CFAP46: variants seen among roughly 807,000 people sequenced by gnomAD.
CFAP46 encodes the protein cilia and flagella associated protein 46.
Under a neutral mutation model 325.7 loss-of-function variants are expected in CFAP46, and 245 were observed. The observed-to-expected ratio is 0.75, with a 90% CI of 0.68 to 0.84. The LOEUF (loss-of-function observed/expected upper bound fraction) is 0.84. CFAP46 is among the 40% of genes least tolerant of loss of function. The pLI, the probability that CFAP46 is intolerant of heterozygous loss-of-function variation, is 0.00. For missense variants in CFAP46, 3,346 were observed against 3,543.0 expected, an observed-to-expected ratio of 0.94 and a Z score of 1.41; for synonymous variants, 1,523 against 1,495.9, an observed-to-expected ratio of 1.02 and a Z score of -0.42.
intron 1 of CFAP46, 123 bp from the exon 2 acceptor site, chr10:132,942,227 C>T: frequency 2.2e-6 from 3 of 1,341,334 alleles, no homozygotes; most frequent in Non-Finnish European, 3.0e-6. Context: ...ACCGTCAGAA[C>T]CTGTCGCCGC....
rs548838373 is a variant in CFAP46, at chr10:132,915,821, C to T, written c.2120+728G>A. On this transcript the variant is annotated intron_variant, in intron 17 of 57. Transcript: ENST00000368586. Reference sequence around the variant, plus strand: ...ATTCCCAACATGGAGAAACAACGCACGTCCAGCGTGACGGATTCGCTGATT... The same window carrying T: ...ATTCCCAACATGGAGAAACAACGCATGTCCAGCGTGACGGATTCGCTGATT... Among the ~76,000 whole-genome samples the T allele has an allele frequency of 4.5e-3, 687 of 152,310 alleles. 3 individuals carry two copies. Among genetic ancestry groups the T allele is most frequent in the African/African-American group, 0.016 (656 of 41,564 alleles).
In CFAP46 at chr10:132,937,254, C is replaced by T. The variant is rs549983786; in HGVS notation, c.661-199G>A. 2.6e-5 allele frequency: 14 copies of T among 530,690 alleles called. No individual in the cohort carries two copies. The African/African-American group carries it at 2.7e-4, about 10-fold the overall frequency. The allele number at this position is 530,690 out of a possible 1,614,324, so 32.9% of individuals were successfully genotyped here. On this transcript the variant is annotated intron_variant, in intron 6 of 57. Coordinates refer to ENST00000368586, the MANE Select transcript of CFAP46 (RefSeq NM_001200049.3). ...ATATTCTTGTAGTAATTACTTGTAT[C>T]TTTGTGAATTTTCTATTAACTTTAA... is the stretch of plus-strand genomic sequence containing the variant.
intron 45 of CFAP46, among the ~76,000 whole-genome samples, chr10:132,836,430 G>A (rs771008233): frequency 3.9e-5 from 6 of 152,178 alleles, no homozygotes; most frequent in Admixed American, 3.3e-4. Context: ...GTCATGCACC[G>A]GGCACTTGGC....
Position 132,849,517 on chromosome 10 carries a change from T to G in CFAP46, c.5952+727A>C, listed in dbSNP as rs538614008. ...GGCAGGTGCCTTCCGGGGGAGGAGC[T>G]GGCATCTGCACAAGTGTTTAGGAAG... On this transcript the variant is annotated intron_variant, in intron 41 of 57. Transcript: ENST00000368586. Among the ~76,000 whole-genome samples, 87 of 152,226 alleles carry G rather than the reference T, an allele frequency of 5.7e-4. 1 individual carries two copies. The South Asian group carries it at 0.017, about 30-fold the overall frequency.
chr10:132,823,854 G>A (rs1222590010), intron 50 of CFAP46, among the ~76,000 whole-genome samples: 1 of 148,208 alleles, frequency 6.7e-6, no homozygotes, highest in African/African-American at 2.5e-5. Context: ...TGTGAGTGCT[G>A]ATGTGTGCTG....
chr10:132,880,650 CACT>C (rs1564788170), intron 28 of CFAP46, among the ~76,000 whole-genome samples: 1,132 of 62,338 alleles, frequency 0.018, 21 homozygotes, highest in African/African-American at 0.066. Flanking sequence ...CAGAGGACAG[CACT>C]GAGACACGTC....
chr10:132,940,264 C>G (rs1209525892), intron 4 of CFAP46, among the ~76,000 whole-genome samples: 1 of 152,104 alleles, frequency 6.6e-6, no homozygotes, highest in East Asian at 1.9e-4. Context: ...TAAATATCCT[C>G]CAAACATTGT....
chr10:132,836,086 T>C, intron 46 of CFAP46, 56 bp downstream of exon 46: 2 of 1,097,626 alleles, frequency 1.8e-6, no homozygotes, highest in South Asian at 1.3e-5. Flanking sequence ...CTCCCCACTC[T>C]CGCCCATGCT....
Position 132,886,022 on chromosome 10 carries a change from A to G in CFAP46, c.3305-63T>C. On this transcript the variant is annotated intron_variant, in intron 25 of 57. Coordinates refer to ENST00000368586, the MANE Select transcript of CFAP46 (RefSeq NM_001200049.3). This position sits in a 1 kb window ranked among gnomAD's most constrained non-coding sequence, Gnocchi z 5.8. ...GATCCCTCATCAAAGGCGCCCTCGGACCTCCCAGACTAAGCTGCCCATCAC... is the reference window on the plus strand; with the variant it reads ...GATCCCTCATCAAAGGCGCCCTCGGGCCTCCCAGACTAAGCTGCCCATCAC... The G allele has an allele frequency of 1.3e-6, 2 of 1,528,828 alleles. No homozygotes were observed. Among genetic ancestry groups the G allele is most frequent in the Non-Finnish European group, 1.8e-6 (2 of 1,132,928 alleles). The allele number at this position is 1,528,828 out of a possible 1,614,324, so 94.7% of individuals were successfully genotyped here. A position where few individuals can be genotyped will look rare whatever the true frequency, so the allele number is the denominator to read the frequency against.
In CFAP46 at chr10:132,919,838, C is replaced by T. The variant is rs377414803; in HGVS notation, c.1730+221G>A. On this transcript the variant is annotated intron_variant, in intron 14 of 57. Coordinates refer to ENST00000368586, the MANE Select transcript of CFAP46 (RefSeq NM_001200049.3). This position sits in a 1 kb window ranked among gnomAD's most constrained non-coding sequence, Gnocchi z 9.7. ...GCAGTGACAGGCGGGACAGGGCAGC[C>T]GCACACCTCATAGGCCGTGGCTGTC... is the stretch of plus-strand genomic sequence containing the variant. Among the ~76,000 whole-genome samples, 11 of 152,134 alleles carry T rather than the reference C, an allele frequency of 7.2e-5. No homozygotes were observed. The highest frequency in any genetic ancestry group is 1.3e-4 in the Admixed American group (2 of 15,286).
In CFAP46 at chr10:132,836,890, C is replaced by T. The variant is rs759534066; in HGVS notation, c.6463G>A (p.Glu2155Lys). ...SKAWQNLCVT[E>K]QHFNLLNEMP... is the part of the protein sequence containing the mutation. Reference sequence around the variant, plus strand: ...TCATTCAAGAGGTTAAAATGCTGCTCAGTGACGCAGAGATTTTGCCAAGCC... The same window carrying T: ...TCATTCAAGAGGTTAAAATGCTGCTTAGTGACGCAGAGATTTTGCCAAGCC... Residue 2155 changes from glutamate (E) to lysine (K), a missense_variant, in exon 45 of 58, where the codon GAG becomes AAG. Coordinates refer to ENST00000368586, the MANE Select transcript of CFAP46 (RefSeq NM_001200049.3). The T allele has an allele frequency of 1.9e-6, 3 of 1,613,942 alleles. No homozygotes were observed. The highest frequency in any genetic ancestry group is 1.7e-5 in the Admixed American group (1 of 60,026).
In CFAP46 at chr10:132,908,378, G is replaced by A. The variant is rs141216931; in HGVS notation, c.2924+90C>T. 1,854 of 1,438,340 alleles carry A rather than the reference G, an allele frequency of 1.3e-3. 20 individuals carry two copies. The African/African-American group carries it at 0.021, about 16-fold the overall frequency. The allele number at this position is 1,438,340 out of a possible 1,614,324, so 89.1% of individuals were successfully genotyped here. A position where few individuals can be genotyped will look rare whatever the true frequency, so the allele number is the denominator to read the frequency against. On this transcript the variant is annotated intron_variant, in intron 22 of 57. Coordinates refer to ENST00000368586, the MANE Select transcript of CFAP46 (RefSeq NM_001200049.3). ...GCCCGTTTTGGGGAACTGGTGGGGC[G>A]CTCACCTGCTCCCTGATCTGTGATT...
rs1389800750 is a variant in CFAP46, at chr10:132,846,172, G to A, written c.6323C>T (p.Thr2108Ile). The A allele has an allele frequency of 2.5e-6, 4 of 1,611,874 alleles. No individual in the cohort carries two copies. Among genetic ancestry groups the A allele is most frequent in the Non-Finnish European group, 3.4e-6 (4 of 1,179,624 alleles). The change falls in exon 44 of 58, where the codon ACC becomes ATC. Residue 2108 changes from threonine (T) to isoleucine (I), a missense_variant. Physicochemically the swap from Thr to Ile is moderately conservative, Grantham distance 89 (BLOSUM62 -1). Transcript: ENST00000368586. ...CAGGGCCGCCAGCTGTGAGCTGCTG[G>A]TGTTGGCTGTGGCTGCAAGCAGGAC... ...RDVLLAATAN[T>I]SSSQLAALLQ...
At position 132,926,235 on chromosome 10, in the gene CFAP46, C is replaced by T. The variant is rs116534054; in HGVS notation, c.1065+333G>A. Among the ~76,000 whole-genome samples, 328 of 152,314 alleles carry T rather than the reference C, an allele frequency of 2.2e-3. 2 individuals are homozygous for T. The highest frequency in any genetic ancestry group is 7.1e-3 in the African/African-American group (294 of 41,558). On this transcript the variant is annotated intron_variant, in intron 10 of 57. Transcript: ENST00000368586. Reference sequence around the variant, plus strand: ...AGAAAGCCCTCATGGGACGCGTGGCCGTCCCCCGTCCTCCCAGGCAGGCAT... The same window carrying T: ...AGAAAGCCCTCATGGGACGCGTGGCTGTCCCCCGTCCTCCCAGGCAGGCAT...
chr10:132,853,611 T>G (rs1848595189), intron 39 of CFAP46, among the ~76,000 whole-genome samples: 1 of 145,920 alleles, frequency 6.9e-6, no homozygotes, highest in Non-Finnish European at 1.5e-5. Context: ...TCTTAAATAT[T>G]TGGCAGAATT....
chr10:132,922,539 T>C lies in CFAP46; in HGVS notation c.1426A>G (p.Thr476Ala). Residue 476 changes from threonine to alanine, a missense_variant, in exon 12 of 58, where the codon ACC becomes GCC. Transcript: ENST00000368586. ...QMASTRLRLC[T>A]TLYQAPERAE... ...CGCTCAGGGGCCTGGTATAGCGTGG[T>C]GCACAGACGCAGCCGGGTGGAGGCC... 1 of 1,547,832 alleles carries C rather than the reference T, an allele frequency of 6.5e-7. No individual in the cohort carries two copies. The highest frequency in any genetic ancestry group is 8.7e-7 in the Non-Finnish European group (1 of 1,146,698).
At chr10:132,833,885 G>T (rs1833613647) in intron 49 of CFAP46, among the ~76,000 whole-genome samples, 156 bp downstream of exon 49, 2 of 152,212 alleles carry the variant, frequency 1.3e-5, no homozygotes, top group Non-Finnish European at 1.5e-5. Context: ...GGGACCTCAG[G>T]CGCAGGGAGG....
intron 55 of CFAP46, among the ~76,000 whole-genome samples, chr10:132,812,392 A>G (rs1279350563): frequency 6.6e-6 from 1 of 152,114 alleles, no homozygotes; most frequent in East Asian, 1.9e-4. Flanking sequence ...CCGAGTGCCC[A>G]CGATTAAACT....
intron 29 of CFAP46, among the ~76,000 whole-genome samples, chr10:132,879,103 G>A (rs558067819): frequency 1.3e-3 from 193 of 152,342 alleles, no homozygotes; most frequent in African/African-American, 4.4e-3. Context: ...GTCTGCAAGG[G>A]TGCCAGGGCG....
Sources: allele counts gnomAD v4.1 joint callset (sites outside exome capture counted in the v4.1 genomes callset), GRCh38; gene constraint gnomAD v4.1.1; non-coding constraint Gnocchi (gnomAD v3.1); transcripts MANE v1.5; gene names NCBI Gene and HGNC (gene_info 2026-07-23, HGNC 2026-07-21).